CDH18: variants seen among roughly 807,000 people sequenced by gnomAD.
The protein encoded by CDH18 is cadherin 18.
A neutral mutation model predicts 67.9 loss-of-function variants in CDH18; 31 were observed. The ratio of observed to expected loss-of-function variants is 0.46; its 90% CI spans 0.34 to 0.62. The LOEUF (loss-of-function observed/expected upper bound fraction) is 0.62, where lower values mean the gene tolerates loss of function less well. Among genes scored for constraint, CDH18 ranks in the 20% least tolerant of loss-of-function variants. The probability of loss-of-function intolerance (pLI) is 0.01; values close to 1 mark genes in which losing one functional copy is unlikely to be tolerated. For missense variants in CDH18, 890 were observed against 975.5 expected, an observed-to-expected ratio of 0.91 and a Z score of 1.17; for synonymous variants, 362 against 347.2, an observed-to-expected ratio of 1.04 and a Z score of -0.48.
intron 2 of CDH18, among the ~76,000 whole-genome samples, chr5:19,994,052 G>A (rs1193736574): frequency 1.3e-5 from 2 of 152,052 alleles, no homozygotes; most frequent in Non-Finnish European, 2.9e-5. Context: ...CTGAGAGGAG[G>A]TATTCTTTGA....
intron 5 of CDH18, among the ~76,000 whole-genome samples, chr5:19,690,770 G>C (rs1761758028): frequency 6.8e-6 from 1 of 147,350 alleles, no homozygotes; most frequent in African/African-American, 2.7e-5. Flanking sequence ...CAATTAACAA[G>C]ATTGAATCAG....
intron 1 of CDH18, among the ~76,000 whole-genome samples, chr5:19,983,218 G>GA (rs1305906864): frequency 6.6e-6 from 1 of 151,938 alleles, no homozygotes; most frequent in African/African-American, 2.4e-5. Context: ...CAGGTAGACT[G>GA]AAAATAATTG....
intron 11 of CDH18, among the ~76,000 whole-genome samples, chr5:19,490,394 G>GGTTTTTTTTTTTTTTTTTTTTTTTT (rs1741223437): frequency 1.7e-5 from 1 of 60,210 alleles, no homozygotes; most frequent in African/African-American, 6.7e-5. Flanking sequence ...ATAAAAATCT[G>GGTTTTTTTTTTTTTTTTTTTTTTTT]TTTTTTTTTT....
At chr5:19,915,268 T>G (rs2150149447) in intron 2 of CDH18, among the ~76,000 whole-genome samples, 1 of 152,280 alleles carries the variant, frequency 6.6e-6, no homozygotes, top group African/African-American at 2.4e-5. Context: ...CTTCAAGTTC[T>G]TCCCTGATTA....
chr5:19,715,505 A>T (rs1408213064), intron 5 of CDH18, among the ~76,000 whole-genome samples: 1 of 152,156 alleles, frequency 6.6e-6, no homozygotes, highest in Non-Finnish European at 1.5e-5. Flanking sequence ...AAGACTGTCA[A>T]TTCCGAAGAT....
intron 2 of CDH18, among the ~76,000 whole-genome samples, chr5:20,238,396 G>A (rs969623128): frequency 6.6e-6 from 1 of 152,078 alleles, no homozygotes; most frequent in Admixed American, 6.5e-5. Flanking sequence ...AAGTAAGCCA[G>A]TACAAATTCG....
intron 1 of CDH18, among the ~76,000 whole-genome samples, chr5:20,532,733 C>T (rs1182584789): frequency 6.6e-6 from 1 of 152,058 alleles, no homozygotes; most frequent in Non-Finnish European, 1.5e-5. Flanking sequence ...TACTTCAACA[C>T]CTAACTCAAA....
At chr5:19,664,856 A>G (rs1410484245) in intron 5 of CDH18, among the ~76,000 whole-genome samples, 1 of 152,014 alleles carries the variant, frequency 6.6e-6, no homozygotes, top group Non-Finnish European at 1.5e-5. Context: ...ATTTTCCTGC[A>G]GGTCAAGGAC....
In CDH18 at chr5:19,742,540, C is replaced by G. The variant is rs147344748; in HGVS notation, c.523+4402G>C. Among the ~76,000 whole-genome samples the G allele has an allele frequency of 9.2e-5, 14 of 152,206 alleles. No individual in the cohort carries two copies. In the East Asian group the frequency reaches 2.7e-3, roughly 29 times the overall value. ...AAATCACCAAGCATTATTTAAGATTCACTGAGGACGTCTTCTCTCATCCAC... is the reference window on the plus strand; with the variant it reads ...AAATCACCAAGCATTATTTAAGATTGACTGAGGACGTCTTCTCTCATCCAC... On this transcript the variant is annotated intron_variant, in intron 4 of 12. Coordinates refer to ENST00000382275, the MANE Select transcript of CDH18 (RefSeq NM_004934.5).
intron 2 of CDH18, among the ~76,000 whole-genome samples, chr5:19,961,528 G>A (rs1384098036): frequency 6.6e-6 from 1 of 152,074 alleles, no homozygotes; most frequent in Non-Finnish European, 1.5e-5. Context: ...AAATTGTGAT[G>A]CCACTGGCAA....
chr5:20,226,280 T>A (rs989510122), intron 2 of CDH18, among the ~76,000 whole-genome samples: 2 of 152,110 alleles, frequency 1.3e-5, no homozygotes, highest in African/African-American at 4.8e-5. Flanking sequence ...TGAAAGTATA[T>A]AAAATAGCAT....
At chr5:19,533,939 A>T (rs569393527) in intron 9 of CDH18, among the ~76,000 whole-genome samples, 1 of 152,324 alleles carries the variant, frequency 6.6e-6, no homozygotes, top group South Asian at 2.1e-4. Flanking sequence ...ATAAATATCT[A>T]GCAATGCTGT....
chr5:20,388,117 G>A (rs1407895370), intron 1 of CDH18, among the ~76,000 whole-genome samples: 3 of 152,126 alleles, frequency 2.0e-5, no homozygotes, highest in African/African-American at 7.2e-5. Context: ...TTTTTCTGTT[G>A]ATTGGAATAG....
At chr5:19,854,242 A>G (rs1784022313) in intron 2 of CDH18, among the ~76,000 whole-genome samples, 1 of 152,134 alleles carries the variant, frequency 6.6e-6, no homozygotes, top group Non-Finnish European at 1.5e-5. Flanking sequence ...ATTATAAAAA[A>G]TCTAAAGGTC....
At chr5:20,243,941 A>C (rs957179872) in intron 2 of CDH18, among the ~76,000 whole-genome samples, 8 of 152,090 alleles carry the variant, frequency 5.3e-5, no homozygotes, top group African/African-American at 1.9e-4. Flanking sequence ...CACCCAGCTC[A>C]TAAGAGTCAA....
chr5:20,029,095 C>A (rs902952863), intron 2 of CDH18, among the ~76,000 whole-genome samples: 9 of 152,048 alleles, frequency 5.9e-5, no homozygotes, highest in Admixed American at 5.2e-4. Context: ...CACGCATTAC[C>A]CTTAATTATG....
Position 19,672,815 on chromosome 5 carries a change from T to C in CDH18, c.643+48532A>G, listed in dbSNP as rs558001099. Among the ~76,000 whole-genome samples the C allele has an allele frequency of 5.9e-5, 9 of 152,168 alleles. No individual in the cohort carries two copies. In the East Asian group the frequency reaches 1.7e-3, roughly 29 times the overall value. On this transcript the variant is annotated intron_variant, in intron 5 of 12. Transcript: ENST00000382275. ...AAATACAATTTTATTGTGATAGAAA[T>C]ATTGTCAATAATAATATTTGATGAT...
At chr5:19,613,890 T>A (rs1330732888) in intron 5 of CDH18, among the ~76,000 whole-genome samples, 1 of 152,126 alleles carries the variant, frequency 6.6e-6, no homozygotes, top group African/African-American at 2.4e-5. Flanking sequence ...TTATAAAATA[T>A]AAACATATTT....
At chr5:20,478,116 T>C (rs190633899) in intron 1 of CDH18, among the ~76,000 whole-genome samples, 23 of 152,278 alleles carry the variant, frequency 1.5e-4, no homozygotes, top group East Asian at 7.7e-4. Context: ...GCAGTTCTCA[T>C]TGCAGGACTT....
Sources: gnomAD v4.1 joint callset for allele counts (sites outside exome capture counted in the v4.1 genomes callset) on GRCh38, gnomAD v4.1.1 for gene constraint, MANE v1.5 for transcripts, NCBI Gene and HGNC (gene_info 2026-07-23, HGNC 2026-07-21) for gene names.